Variants in METTL21A observed in about 807,000 individuals in gnomAD.
METTL21A encodes protein N-lysine methyltransferase METTL21A.
METTL21A carries 22 observed loss-of-function variants against 20.9 expected under a neutral mutation model. That is an observed-to-expected ratio of 1.05 (90% CI 0.75 to 1.50). The LOEUF is 1.50. Ranked by LOEUF, METTL21A falls within the 40% of genes most tolerant of loss-of-function variation. METTL21A has a pLI of 0.00. For missense variants in METTL21A, 271 were observed against 266.8 expected (o/e 1.02, Z -0.11); for synonymous variants, 93 against 102.0 (o/e 0.91, Z 0.53).
chr2:207,587,173 C>T (rs1346277711), intron 3 of METTL21A, among the ~76,000 whole-genome samples: 1 of 152,116 alleles, frequency 6.6e-6, no homozygotes, highest in Non-Finnish European at 1.5e-5. Flanking sequence ...GCGGGTGGAT[C>T]ACAAGGTCAG....
chr2:207,623,444 G>A (rs899941310), intron 2 of METTL21A, among the ~76,000 whole-genome samples: 2 of 152,162 alleles, frequency 1.3e-5, no homozygotes, highest in African/African-American at 4.8e-5. Flanking sequence ...GGCAGGGAGA[G>A]GAAGAAGTTA....
intron 3 of METTL21A, among the ~76,000 whole-genome samples, chr2:207,595,724 T>G (rs908036395): frequency 1.6e-4 from 25 of 152,232 alleles, no homozygotes; most frequent in African/African-American, 6.0e-4. Flanking sequence ...GCCACCACAC[T>G]TGGCTAAATT....
intron 3 of METTL21A, among the ~76,000 whole-genome samples, chr2:207,617,906 G>A (rs2089991256): frequency 6.6e-6 from 1 of 152,150 alleles, no homozygotes; most frequent in Non-Finnish European, 1.5e-5. Context: ...GAGTTGGGTG[G>A]GGGCGGTGAC....
At chr2:207,592,992 TTATAAA>T (rs1350404292) in intron 3 of METTL21A, among the ~76,000 whole-genome samples, 5 of 152,306 alleles carry the variant, frequency 3.3e-5, no homozygotes, top group African/African-American at 9.6e-5. Flanking sequence ...GAGATTACAG[TTATAAA>T]TATGTTAGGA....
At chr2:207,606,812 A>C (rs1260971495), downstream of METTL21A, among the ~76,000 whole-genome samples, 1 of 152,082 alleles carries the variant, frequency 6.6e-6, no homozygotes, top group Non-Finnish European at 1.5e-5. Flanking sequence ...TTAAAATTTT[A>C]TTTTTGTTCA....
chr2:207,592,172 C>G (rs1233158772), intron 3 of METTL21A, among the ~76,000 whole-genome samples: 1 of 152,068 alleles, frequency 6.6e-6, no homozygotes, highest in African/African-American at 2.4e-5. Flanking sequence ...TCACTTAAGG[C>G]TGAGGTAGGC....
In METTL21A at chr2:207,595,759, G is replaced by A. The variant is rs536728953; in HGVS notation, c.260-13599C>T. ...TTTTAAAAATTTTTTTTTAGAGACAGGGTCTTAATATATTGCCCAGGCTGT... is the reference window on the plus strand; with the variant it reads ...TTTTAAAAATTTTTTTTTAGAGACAAGGTCTTAATATATTGCCCAGGCTGT... On this transcript the variant is annotated intron_variant, in intron 3 of 3. Coordinates refer to the METTL21A transcript ENST00000425132. 2.0e-5 allele frequency among the ~76,000 whole-genome samples: 3 copies of A among 152,164 alleles called. No homozygotes were observed. In the South Asian group the frequency reaches 6.2e-4, roughly 32 times the overall value.
At chr2:207,624,462 T>C in intron 1 of METTL21A, 58 bp from the exon 2 acceptor site, 1 of 1,402,150 alleles carries the variant, frequency 7.1e-7, no homozygotes, top group East Asian at 2.6e-5. Flanking sequence ...TATCTGTTCT[T>C]AACTAACTCC....
At chr2:207,599,303 T>C (rs1010145530) in intron 3 of METTL21A, 1 of 207,632 alleles carries the variant, frequency 4.8e-6, no homozygotes, top group African/African-American at 2.3e-5. Context: ...GTCACAAATA[T>C]GTTCACAAGT....
chr2:207,624,459 T>A, intron 1 of METTL21A, 55 bp from the exon 2 acceptor site: 15 of 1,422,702 alleles, frequency 1.1e-5, no homozygotes, highest in Non-Finnish European at 1.4e-5. Flanking sequence ...CATTATCTGT[T>A]CTTAACTAAC....
chr2:207,582,910 C>A lies in METTL21A; in HGVS notation c.260-750G>T, dbSNP rs28853093. The A allele has an allele frequency of 3.9e-3, 775 of 201,276 alleles. 4 individuals carry two copies. The highest frequency in any genetic ancestry group is 0.014 in the African/African-American group (368 of 27,048). The allele number at this position is 201,276 out of a possible 1,614,324, so 12.5% of individuals were successfully genotyped here. A position where few individuals can be genotyped will look rare whatever the true frequency, so the allele number is the denominator to read the frequency against. ...TGTCTCAAAAAAACAAACAAACAAA[C>A]AAAAAAAAATATATATATATACATA... On this transcript the variant is annotated intron_variant, in intron 3 of 3. Coordinates refer to the METTL21A transcript ENST00000425132.
chr2:207,597,587 G>T (rs2086382192), intron 3 of METTL21A: 1 of 209,212 alleles, frequency 4.8e-6, no homozygotes, highest in South Asian at 1.9e-4. Flanking sequence ...CTCTAAAAAA[G>T]AACTTTAGCA....
exon 4 of METTL21A, chr2:207,581,808 G>A (rs1325165995): frequency 5.7e-6 from 4 of 698,988 alleles, no homozygotes; most frequent in South Asian, 1.5e-5. Flanking sequence ...TCCAGTTTGG[G>A]TACCATATCG....
At chr2:207,612,456 T>C (rs2252982), downstream of METTL21A, 127,711 of 151,336 alleles carry the variant, frequency 0.84, 54,068 homozygotes, top group East Asian at 1. Context: ...AATTCCTTTA[T>C]TTATATATAT....
In METTL21A at chr2:207,583,378, C is replaced by T. The variant is rs1574921575; in HGVS notation, c.260-1218G>A. Among the ~76,000 whole-genome samples the T allele has an allele frequency of 2.0e-5, 3 of 152,290 alleles. No homozygotes were observed. The East Asian group carries it at 5.8e-4, about 29-fold the overall frequency. On this transcript the variant is annotated intron_variant, in intron 3 of 3. Coordinates refer to the METTL21A transcript ENST00000425132. ...CTTTGCCTGTTTGTAACTTCTTTCT[C>T]CGACAGAAACTTGGCTTATATGTTT...
At chr2:207,625,274 G>A (rs918015456) in exon 1 of METTL21A, 2 of 152,148 alleles carry the variant, frequency 1.3e-5, no homozygotes, top group African/African-American at 4.8e-5. Context: ...CGGCCCGGGA[G>A]GCGGTCCCGC....
At chr2:207,612,194 G>C (rs190885366), downstream of METTL21A, 2 of 138,988 alleles carry the variant, frequency 1.4e-5, no homozygotes, top group African/African-American at 5.6e-5. Flanking sequence ...CTGCCTCCCA[G>C]GTTCAAGCGA....
downstream of METTL21A, among the ~76,000 whole-genome samples, chr2:207,606,490 A>C (rs2088132071): frequency 6.6e-6 from 1 of 152,178 alleles, no homozygotes; most frequent in Non-Finnish European, 1.5e-5. Context: ...CTCAAAAAAA[A>C]CTTCAAGTTT....
chr2:207,602,664 TTTC>T (rs1224001834), intron 3 of METTL21A: 5 of 210,170 alleles, frequency 2.4e-5, no homozygotes, highest in Non-Finnish European at 1.9e-5. Flanking sequence ...GAGGTTTTAT[TTTC>T]TTATGTTTTT....
Sources: gnomAD v4.1 joint callset for allele counts (sites outside exome capture counted in the v4.1 genomes callset) on GRCh38, gnomAD v4.1.1 for gene constraint, MANE v1.5 for transcripts, NCBI Gene and HGNC (gene_info 2026-07-23, HGNC 2026-07-21) for gene names.